The following FER variants were observed in gnomAD, a reference collection of about 807,000 sequenced individuals.
FER encodes the protein FER tyrosine kinase, also known as tyrosine-protein kinase Fer.
A neutral mutation model predicts 111.0 loss-of-function variants in FER; 63 were observed. The observed-to-expected ratio is 0.57, with a 90% CI of 0.46 to 0.70. The LOEUF (loss-of-function observed/expected upper bound fraction) is 0.70. Ranked by LOEUF, FER falls within the 30% of genes least tolerant of loss-of-function variation. The pLI is 0.00. For synonymous variants in FER, 327 were observed against 313.9 expected (o/e 1.04, Z -0.44); for missense variants, 914 against 954.0 (o/e 0.96, Z 0.55).
intron 16 of FER, among the ~76,000 whole-genome samples, chr5:109,049,313 G>A (rs1772422658): frequency 6.6e-6 from 1 of 152,140 alleles, no homozygotes; most frequent in Non-Finnish European, 1.5e-5. Flanking sequence ...GCTGTTATCT[G>A]GAGGCTCTGG....
chr5:109,149,778 G>A (rs1754619379), intron 17 of FER, among the ~76,000 whole-genome samples: 1 of 152,132 alleles, frequency 6.6e-6, no homozygotes, highest in South Asian at 2.1e-4. Flanking sequence ...AGGAACAGTA[G>A]TAAACATGAA....
At chr5:108,979,236 A>G (rs1761753190) in intron 13 of FER, among the ~76,000 whole-genome samples, 1 of 152,174 alleles carries the variant, frequency 6.6e-6, no homozygotes, top group African/African-American at 2.4e-5. Context: ...CTGGCAGGAA[A>G]GCCTGTTCAG....
chr5:109,004,898 CA>C (rs1448274471), intron 13 of FER, among the ~76,000 whole-genome samples: 2 of 151,422 alleles, frequency 1.3e-5, no homozygotes, highest in African/African-American at 2.4e-5. Flanking sequence ...CCAAATGGTT[CA>C]AATGAAGAGT....
At chr5:109,165,511 G>A (rs1426995364) in intron 17 of FER, among the ~76,000 whole-genome samples, 2 of 152,138 alleles carry the variant, frequency 1.3e-5, no homozygotes, top group African/African-American at 4.8e-5. Flanking sequence ...ATGATTTTCA[G>A]AGGGAGGAAC....
At chr5:109,176,154 C>T (rs1757665703) in intron 17 of FER, among the ~76,000 whole-genome samples, 1 of 151,896 alleles carries the variant, frequency 6.6e-6, no homozygotes, top group Non-Finnish European at 1.5e-5. Flanking sequence ...CATATTTGTC[C>T]AAAGGAAAGA....
intron 9 of FER, among the ~76,000 whole-genome samples, chr5:108,896,587 C>G (rs1749137430): frequency 6.6e-6 from 1 of 152,126 alleles, no homozygotes; most frequent in African/African-American, 2.4e-5. Flanking sequence ...TCACCTGAAA[C>G]TTGTTACAAT....
intron 10 of FER, among the ~76,000 whole-genome samples, chr5:108,929,040 TA>T (rs1449375963): frequency 6.6e-6 from 1 of 152,092 alleles, no homozygotes; most frequent in Non-Finnish European, 1.5e-5. Context: ...GAATATATGA[TA>T]AAAATTTACC....
intron 5 of FER, chr5:108,836,051 A>C (rs944164425): frequency 5.2e-6 from 1 of 192,482 alleles, no homozygotes; most frequent in Non-Finnish European, 1.1e-5. Context: ...TGTGTAATAG[A>C]ATTGAAGGGA....
At chr5:108,830,536 T>C (rs1055955107) in intron 3 of FER, 1 of 152,184 alleles carries the variant, frequency 6.6e-6, no homozygotes, top group Non-Finnish European at 1.5e-5. Context: ...GTTATATTAA[T>C]TTTTAAATTA....
chr5:108,894,792 G>A (rs999694769), intron 9 of FER, among the ~76,000 whole-genome samples: 4 of 152,076 alleles, frequency 2.6e-5, no homozygotes, highest in African/African-American at 7.2e-5. Flanking sequence ...GAGAGAGCAT[G>A]TGCAGGGGAT....
chr5:108,923,349 T>G (rs72793903), intron 10 of FER, among the ~76,000 whole-genome samples: 18,396 of 150,682 alleles, frequency 0.12, 1,161 homozygotes, highest in Middle Eastern at 0.17. Context: ...AATTAAAAAA[T>G]TTTTTTTTGA....
intron 13 of FER, among the ~76,000 whole-genome samples, chr5:109,036,654 C>A (rs1770446001): frequency 6.6e-6 from 1 of 151,982 alleles, no homozygotes; most frequent in South Asian, 2.1e-4. Flanking sequence ...TCCTCTCTTT[C>A]TTTCCTTTTT....
intron 3 of FER, among the ~76,000 whole-genome samples, chr5:108,819,579 C>T (rs549919731): frequency 1.5e-4 from 23 of 152,086 alleles, no homozygotes; most frequent in African/African-American, 4.8e-4. Context: ...AGGCCTGCTG[C>T]GAGTGTGCAA....
At chr5:109,158,611 T>G (rs1172174576) in intron 17 of FER, among the ~76,000 whole-genome samples, 2 of 152,112 alleles carry the variant, frequency 1.3e-5, no homozygotes, top group Non-Finnish European at 2.9e-5. Context: ...TCATCATACC[T>G]CTCTTGAGAA....
intron 17 of FER, among the ~76,000 whole-genome samples, chr5:109,104,973 G>C (rs1484265981): frequency 6.6e-6 from 1 of 152,026 alleles, no homozygotes; most frequent in Non-Finnish European, 1.5e-5. Flanking sequence ...TCAATCTCCT[G>C]ACCTCGTGAT....
At chr5:108,957,782 T>C (rs1758622249) in intron 12 of FER, among the ~76,000 whole-genome samples, 2 of 151,576 alleles carry the variant, frequency 1.3e-5, no homozygotes, top group South Asian at 4.2e-4. Context: ...CTGGGTAAAG[T>C]GGTTTGCATG....
At chr5:108,972,571 T>A (rs1376463314) in intron 13 of FER, among the ~76,000 whole-genome samples, 2 of 152,208 alleles carry the variant, frequency 1.3e-5, no homozygotes, top group African/African-American at 2.4e-5. Context: ...GTTAGTTTTG[T>A]ATATCTGACG....
chr5:108,907,367 T>C (rs1750933196), intron 10 of FER, among the ~76,000 whole-genome samples: 1 of 152,094 alleles, frequency 6.6e-6, no homozygotes, highest in East Asian at 1.9e-4. Context: ...GGATCTCGGT[T>C]CACTGAAACC....
At chr5:109,134,818 A>G (rs996908911) in intron 17 of FER, among the ~76,000 whole-genome samples, 1 of 152,196 alleles carries the variant, frequency 6.6e-6, no homozygotes, top group African/African-American at 2.4e-5. Context: ...TGATTAATAC[A>G]TAGGAAGAAT....
Sources: gnomAD v4.1 joint callset for allele counts (sites outside exome capture counted in the v4.1 genomes callset) on GRCh38, gnomAD v4.1.1 for gene constraint, MANE v1.5 for transcripts, NCBI Gene and HGNC (gene_info 2026-07-23, HGNC 2026-07-21) for gene names.